TTN: variants seen among roughly 807,000 people sequenced by gnomAD.
The protein encoded by TTN is titin.
In TTN, 1,525 loss-of-function variants were observed where a neutral mutation model predicts 3,223.0. The observed-to-expected ratio is 0.47, with a 90% CI of 0.45 to 0.49. The LOEUF is 0.49. Ranked by LOEUF, TTN falls within the 20% of genes least tolerant of loss-of-function variation. The pLI, the probability that TTN is intolerant of heterozygous loss-of-function variation, is 0.00. For synonymous variants in TTN, 14,094 were observed against 15,161.0 expected (o/e 0.93, Z 5.17); for missense variants, 40,786 against 43,424.0 (o/e 0.94, Z 5.40).
At chr2:178,769,332 C>T (rs2091090023) in intron 37 of TTN, among the ~76,000 whole-genome samples, 1 of 152,000 alleles carries the variant, frequency 6.6e-6, no homozygotes, top group African/African-American at 2.4e-5. Flanking sequence ...TGGCTCACTG[C>T]AGCCTTGGCC....
Position 178,594,623 on chromosome 2 carries a change from G to T in TTN, c.57871C>A (p.Leu19291Met). Reference protein sequence around the residue: ...PITVPERPEDLEVKEVTKNTV... With the variant: ...PITVPERPEDMEVKEVTKNTV... ...TTTTTAGTAACTTCTTTGACTTCCA[G>T]GTCTTCAGGACGCTCTGGTACAGCT... The change falls in exon 296 of 363, where the codon CTG becomes ATG. Residue 19291 changes from leucine (L) to methionine (M), a missense_variant. By Grantham distance (15) the Leu-to-Met change is conservative (BLOSUM62 2). Transcript: ENST00000589042. The T allele has an allele frequency of 6.2e-7, 1 of 1,610,948 alleles. No individual in the cohort carries two copies. The highest frequency in any genetic ancestry group is 8.5e-7 in the Non-Finnish European group (1 of 1,178,140).
At position 178,613,683 on chromosome 2, in the gene TTN, G is replaced by C; in HGVS notation, c.49532+68C>G. 4 of 1,477,138 alleles carry C rather than the reference G, an allele frequency of 2.7e-6. No homozygotes were observed. In the East Asian group the frequency reaches 7.1e-5, roughly 26 times the overall value. 91.5% of individuals were successfully genotyped at this position (1,477,138 alleles called of 1,614,324 possible). The stretch of plus-strand genomic sequence containing the variant: ...AATATATAATCATCTGTAATCCCAA[G>C]GAATACTAAAGAGTAAACATTTGAA... On this transcript the variant is annotated intron_variant, in intron 263 of 362. Coordinates refer to ENST00000589042, the MANE Select transcript of TTN (RefSeq NM_001267550.2).
In TTN at chr2:178,573,854, G is replaced by A. The variant is rs777900528; in HGVS notation, c.72278C>T (p.Thr24093Ile). 5 of 1,611,252 alleles carry A rather than the reference G, an allele frequency of 3.1e-6. No individual in the cohort carries two copies. In the African/African-American group the frequency reaches 5.3e-5, roughly 17 times the overall value. The change falls in exon 326 of 363, where the codon ACA becomes ATA. Residue 24093 changes from threonine to isoleucine, a missense_variant. Transcript: ENST00000589042. Reference sequence around the variant, plus strand: ...GGTATAGGCACCACTATCCCTTCTTGTTGAATCTTTGTTTACCAGATTAGT... The same window carrying A: ...GGTATAGGCACCACTATCCCTTCTTATTGAATCTTTGTTTACCAGATTAGT... ...FSTNLVNKDSTRRDSGAYTLT... is the reference protein window; with the variant it reads ...FSTNLVNKDSIRRDSGAYTLT...
At position 178,745,936 on chromosome 2, in the gene TTN, G is replaced by T. The variant is rs144546215; in HGVS notation, c.11312-4015C>A. 1.1e-5 allele frequency: 17 copies of T among 1,609,188 alleles called. No homozygotes were observed. The African/African-American group carries it at 2.1e-4, about 20-fold the overall frequency. Reference sequence around the variant, plus strand: ...TTAAGACCAATTCTTCCATTAAACTGCTTAAAGTCACTTTGCTTTTCTTTG... The same window carrying T: ...TTAAGACCAATTCTTCCATTAAACTTCTTAAAGTCACTTTGCTTTTCTTTG... On this transcript the variant is annotated intron_variant, in intron 47 of 362. Transcript: ENST00000589042.
Position 178,569,609 on chromosome 2 carries a change from G to T in TTN, c.76523C>A (p.Pro25508Gln), listed in dbSNP as rs188085512. ...PIIVEEKLEA[P>Q]DIDLDLELRK... Reference sequence around the variant, plus strand: ...TAGTTCTAGGTCAAGATCAATGTCTGGTGCTTCTAATTTTTCTTCAACTAT... The same window carrying T: ...TAGTTCTAGGTCAAGATCAATGTCTTGTGCTTCTAATTTTTCTTCAACTAT... The change falls in exon 326 of 363, where the codon CCA (proline) becomes CAA (glutamine). Residue 25508 changes from proline to glutamine, a missense_variant. Pro to Gln is a moderately conservative substitution (Grantham distance 76). Transcript: ENST00000589042. 4.9e-4 allele frequency: 792 copies of T among 1,612,080 alleles called. 2 individuals are homozygous for T. The highest frequency in any genetic ancestry group is 2.0e-5 in the Non-Finnish European group (23 of 1,179,072).
rs145253432 is a variant in TTN, at chr2:178,795,069, G to A, written c.1098C>T (p.Thr366=). 1.2e-5 allele frequency: 20 copies of A among 1,613,806 alleles called. No homozygotes were observed. Among genetic ancestry groups the A allele is most frequent in the Non-Finnish European group, 1.7e-5 (20 of 1,180,012 alleles). Residue 366 remains threonine (T), a synonymous_variant, in exon 7 of 363, where the codon ACC becomes ACT. Transcript: ENST00000589042. Reference sequence around the variant, plus strand: ...TCTCTTCTGTCCTGATCTGAGTAGAGGTTGTCAGCGTTGTCTCTCTCATCT... The same window carrying A: ...TCTCTTCTGTCCTGATCTGAGTAGAAGTTGTCAGCGTTGTCTCTCTCATCT... ...EAEMRETTLT[T]STQIRTEERW... is the part of the protein sequence containing the mutation.
rs1481820577 is a variant in TTN at position 178,719,427 on chromosome 2, A to G, written c.23963T>C (p.Ile7988Thr). 16 of 1,612,780 alleles carry G rather than the reference A, an allele frequency of 9.9e-6. No homozygotes were observed. The highest frequency in any genetic ancestry group is 1.3e-5 in the Non-Finnish European group (15 of 1,179,094). Residue 7988 changes from isoleucine (I) to threonine (T), a missense_variant, in exon 83 of 363, where the codon ATC becomes ACC. Transcript: ENST00000589042. ...VSDRIVPPSF[I>T]RKLKDVNAIL... ...GGCATTCACGTCTTTCAGCTTGCGG[A>G]TGAAGGAAGGAGGCACAATCCGATC... is the stretch of plus-strand genomic sequence containing the variant.
Position 178,620,862 on chromosome 2 carries a change from T to C in TTN, c.45748A>G (p.Ser15250Gly). 1 of 1,612,666 alleles carries C rather than the reference T, an allele frequency of 6.2e-7. No homozygotes were observed. Among genetic ancestry groups the C allele is most frequent in the Admixed American group, 1.7e-5 (1 of 59,892 alleles). ...TTTTGGAGAATGATGTATTTTGAAC[T>C]ATCAAATATAGCTTCTTCATTTCTG... is the stretch of plus-strand genomic sequence containing the variant. ...WFRNEEAIFDSSKYIILQKDL... is the reference protein window; with the variant it reads ...WFRNEEAIFDGSKYIILQKDL... Residue 15250 changes from serine to glycine, a missense_variant, in exon 247 of 363, where the codon AGT becomes GGT. Physicochemically the swap from Ser to Gly is moderately conservative, Grantham distance 56. Transcript: ENST00000589042.
At position 178,775,397 on chromosome 2, in the gene TTN, A is replaced by G; in HGVS notation, c.6467T>C (p.Ile2156Thr). ...TGCGTGACTGGAGGTTTCTCCAGCTATGTTGATGGCTTTTACCATGATGCT... is the reference window on the plus strand; with the variant it reads ...TGCGTGACTGGAGGTTTCTCCAGCTGTGTTGATGGCTTTTACCATGATGCT... ...SASIMVKAIN[I>T]AGETSSHAFL... Residue 2156 changes from isoleucine (I) to threonine (T), a missense_variant, in exon 28 of 363, where the codon ATA (isoleucine) becomes ACA (threonine). Ile to Thr is a moderately conservative substitution (Grantham distance 89). Transcript: ENST00000589042. The G allele has an allele frequency of 6.2e-7, 1 of 1,614,068 alleles. No individual in the cohort carries two copies. Among genetic ancestry groups the G allele is most frequent in the Non-Finnish European group, 8.5e-7 (1 of 1,179,990 alleles).
Position 178,650,155 on chromosome 2 carries a change from G to A in TTN, c.39817+9C>T, listed in dbSNP as rs769664320. 7.0e-6 allele frequency: 11 copies of A among 1,567,782 alleles called. No homozygotes were observed. In the South Asian group the frequency reaches 1.3e-4, roughly 18 times the overall value. ...TGTATTTTCCCATACAGTGGATTCTGCTTTGTACCTGCTGGAGGTGGAACC... is the reference window on the plus strand; with the variant it reads ...TGTATTTTCCCATACAGTGGATTCTACTTTGTACCTGCTGGAGGTGGAACC... On this transcript the variant is annotated intron_variant, in intron 210 of 362. Coordinates refer to ENST00000589042, the MANE Select transcript of TTN (RefSeq NM_001267550.2).
chr2:178,651,386 G>A (rs2062922371), intron 207 of TTN, 66 bp from the exon 208 acceptor site: 3 of 1,602,148 alleles, frequency 1.9e-6, no homozygotes, highest in East Asian at 4.5e-5. Flanking sequence ...CATTTACACA[G>A]AACAAAACCC....
intron 214 of TTN, 23 bp from the exon 215 acceptor site, chr2:178,647,167 T>C (rs2154245628): frequency 7.6e-7 from 1 of 1,317,708 alleles, no homozygotes; most frequent in Non-Finnish European, 1.0e-6. Context: ...TAGTATTTTA[T>C]TTTAGACTAT....
chr2:178,681,627 T>A (rs2069421071), intron 136 of TTN, 34 bp downstream of exon 136: 11 of 1,581,992 alleles, frequency 7.0e-6, no homozygotes, highest in Non-Finnish European at 9.5e-6. Flanking sequence ...GAAACAAAGA[T>A]CTCTTACAGG....
intron 37 of TTN, 148 bp from the exon 38 acceptor site, chr2:178,769,081 T>TAGTACATGGAAG: frequency 1.1e-6 from 1 of 894,634 alleles, no homozygotes; most frequent in Non-Finnish European, 1.7e-6. Flanking sequence ...ATACCTTCCA[T>TAGTACATGGAAG]GTACTATACA....
In TTN at chr2:178,581,465, A is replaced by T. The variant is rs577339867; in HGVS notation, c.66769+34T>A. On this transcript the variant is annotated intron_variant, in intron 316 of 362. Coordinates refer to ENST00000589042, the MANE Select transcript of TTN (RefSeq NM_001267550.2). The stretch of plus-strand genomic sequence containing the variant: ...TCCCTCTTAGAATATGATTAATAGG[A>T]AAAGCCTTATGTACTCCCCCTGGTA... The T allele has an allele frequency of 9.8e-6, 15 of 1,523,398 alleles. 1 individual carries two copies. In the South Asian group the frequency reaches 1.9e-4, roughly 20 times the overall value. 94.4% of individuals were successfully genotyped at this position (1,523,398 alleles called of 1,614,324 possible).
At position 178,590,946 on chromosome 2, in the gene TTN, G is replaced by A; in HGVS notation, c.60779C>T (p.Ser20260Phe). 1 of 1,613,316 alleles carries A rather than the reference G, an allele frequency of 6.2e-7. No homozygotes were observed. Among genetic ancestry groups the A allele is most frequent in the Non-Finnish European group, 8.5e-7 (1 of 1,179,494 alleles). Residue 20260 changes from serine to phenylalanine, a missense_variant, in exon 304 of 363, where the codon TCC becomes TTC. Coordinates refer to ENST00000589042, the MANE Select transcript of TTN (RefSeq NM_001267550.2). ...NKIGVGPPLD[S>F]TPTVAKHKFS... Reference sequence around the variant, plus strand: ...TTTATGCTTAGCAACAGTAGGTGTGGAGTCAAGGGGAGGACCAACACCTAT... The same window carrying A: ...TTTATGCTTAGCAACAGTAGGTGTGAAGTCAAGGGGAGGACCAACACCTAT...
chr2:178,709,098 C>T (rs1389349247), intron 99 of TTN, among the ~76,000 whole-genome samples: 2 of 151,956 alleles, frequency 1.3e-5, no homozygotes, highest in Non-Finnish European at 1.5e-5. Context: ...GCAGGTCAAA[C>T]GCTTTGGGCA....
In TTN at chr2:178,702,046, GC is replaced by G; in HGVS notation, c.30531del (p.Lys10177AsnfsTer57). ...LTTKEIKLEL[K>X]PPDIPDSRVP... ...TTTTTACAAAACAACTTACCAGGAG[GC>G]TTCAGCTCAAGTTTGATTTCTGCAA... On this transcript the variant is annotated frameshift_variant, in exon 109 of 363. Coordinates refer to ENST00000589042, the MANE Select transcript of TTN (RefSeq NM_001267550.2). LOFTEE classifies it high-confidence loss of function. 1 of 1,610,668 alleles carries G rather than the reference GC, an allele frequency of 6.2e-7. No individual in the cohort carries two copies.
chr2:178,599,470 C>G (rs760828319), intron 289 of TTN, 25 bp from the exon 290 acceptor site: 2 of 1,517,518 alleles, frequency 1.3e-6, no homozygotes, highest in Non-Finnish European at 1.8e-6. Flanking sequence ...AGAAGGAACC[C>G]TTTATCACTC....
Sources: allele counts gnomAD v4.1 joint callset (sites outside exome capture counted in the v4.1 genomes callset), GRCh38; gene constraint gnomAD v4.1.1; transcripts MANE v1.5; gene names NCBI Gene and HGNC (gene_info 2026-07-23, HGNC 2026-07-21).